PBX1: variants seen among roughly 807,000 people sequenced by gnomAD.
The protein encoded by PBX1 is pre-B-cell leukemia transcription factor 1.
PBX1 carries 6 observed loss-of-function variants against 53.4 expected under a neutral mutation model. That is an observed-to-expected ratio of 0.11 (90% CI 0.06 to 0.22). The LOEUF (loss-of-function observed/expected upper bound fraction) is 0.22, where lower values mean the gene tolerates loss of function less well. PBX1 is among the 10% of genes least tolerant of loss of function. The pLI is 1.00. For synonymous variants in PBX1, 204 were observed against 212.3 expected (o/e 0.96, Z 0.34); for missense variants, 251 against 551.4 (o/e 0.46, Z 5.46).
chr1:164,598,891 T>C (rs1390993399), intron 2 of PBX1, among the ~76,000 whole-genome samples: 1 of 152,116 alleles, frequency 6.6e-6, no homozygotes, highest in Non-Finnish European at 1.5e-5. Context: ...TATCCCACTT[T>C]TACATAAAAG....
chr1:164,647,939 C>T (rs1347858717), intron 2 of PBX1, among the ~76,000 whole-genome samples: 18 of 152,006 alleles, frequency 1.2e-4, no homozygotes, highest in African/African-American at 3.6e-4. Context: ...CTCAGCCTCC[C>T]GAGTAGCTGG....
chr1:164,750,117 AAAAG>A (rs1232479056), intron 2 of PBX1, among the ~76,000 whole-genome samples: 1 of 150,422 alleles, frequency 6.6e-6, no homozygotes, highest in African/African-American at 2.5e-5. Flanking sequence ...AAGAAAAAAA[AAAAG>A]AGCTTTCAAA....
At chr1:164,881,875 C>T (rs1036522799) in intron 2 of PBX1, among the ~76,000 whole-genome samples, 4 of 152,156 alleles carry the variant, frequency 2.6e-5, no homozygotes, top group African/African-American at 9.7e-5. Context: ...CTTAGAAGCT[C>T]ATTCACTTTA....
intron 2 of PBX1, among the ~76,000 whole-genome samples, chr1:164,757,717 T>A (rs976843461): frequency 6.6e-6 from 1 of 152,178 alleles, no homozygotes. Context: ...TATTATTATT[T>A]TTTAATCTCT....
chr1:164,809,277 C>T (rs751849194), intron 5 of PBX1, among the ~76,000 whole-genome samples: 12 of 152,048 alleles, frequency 7.9e-5, no homozygotes, highest in Admixed American at 3.3e-4. Flanking sequence ...GATCTGTTCC[C>T]GCAACCTTCA....
chr1:164,826,540 G>A (rs905900365), intron 8 of PBX1, among the ~76,000 whole-genome samples: 1 of 152,082 alleles, frequency 6.6e-6, no homozygotes, highest in Admixed American at 6.6e-5. Context: ...AAGTAGCCGG[G>A]ATTACAGGTT....
At chr1:164,842,138 G>C (rs1018968083) in intron 8 of PBX1, among the ~76,000 whole-genome samples, 1 of 152,148 alleles carries the variant, frequency 6.6e-6, no homozygotes, top group Non-Finnish European at 1.5e-5. Flanking sequence ...GCTGCTCAGG[G>C]CTAAAAGCAG....
intron 2 of PBX1, among the ~76,000 whole-genome samples, chr1:164,696,910 A>G (rs1299264970): frequency 6.6e-6 from 1 of 152,150 alleles, no homozygotes; most frequent in Non-Finnish European, 1.5e-5. Context: ...GAATAAAATT[A>G]TAGTGGAAAA....
At chr1:164,643,448 C>T (rs1659266495) in intron 2 of PBX1, among the ~76,000 whole-genome samples, 2 of 152,094 alleles carry the variant, frequency 1.3e-5, no homozygotes, top group Non-Finnish European at 2.9e-5. Flanking sequence ...TTCTCTTTGG[C>T]TCACTTTCTA....
chr1:164,762,344 A>G (rs2102224701), intron 2 of PBX1, among the ~76,000 whole-genome samples: 1 of 152,310 alleles, frequency 6.6e-6, no homozygotes, highest in South Asian at 2.1e-4. Flanking sequence ...TTCTTTTCCG[A>G]TGCAATTTGC....
chr1:164,771,907 G>T (rs1449003414), intron 2 of PBX1, among the ~76,000 whole-genome samples: 4 of 152,300 alleles, frequency 2.6e-5, no homozygotes, highest in South Asian at 4.1e-4. Flanking sequence ...CAGGCCGGAA[G>T]GGGGGCTGGG....
chr1:164,789,112 C>G (rs1038167804), intron 2 of PBX1, among the ~76,000 whole-genome samples: 2 of 152,194 alleles, frequency 1.3e-5, no homozygotes, highest in Non-Finnish European at 2.9e-5. Flanking sequence ...CTTTGCAACC[C>G]TCCTGAAACT....
At chr1:164,616,669 C>A (rs935621335) in intron 2 of PBX1, among the ~76,000 whole-genome samples, 24 of 152,100 alleles carry the variant, frequency 1.6e-4, no homozygotes, top group African/African-American at 5.6e-4. Context: ...AAGAACACTT[C>A]ATGTGACAGA....
At chr1:164,583,288 A>G (rs1465205349) in intron 2 of PBX1, among the ~76,000 whole-genome samples, 2 of 152,110 alleles carry the variant, frequency 1.3e-5, no homozygotes, top group African/African-American at 2.4e-5. Flanking sequence ...GGCGGGAAAA[A>G]AAAAAAAAGA....
At chr1:164,663,062 C>T (rs1216443027) in intron 2 of PBX1, among the ~76,000 whole-genome samples, 1 of 152,180 alleles carries the variant, frequency 6.6e-6, no homozygotes, top group Non-Finnish European at 1.5e-5. Context: ...GTGTAACTTT[C>T]AAATAGTTTC....
intron 2 of PBX1, among the ~76,000 whole-genome samples, chr1:164,698,187 A>C (rs1662898397): frequency 6.6e-6 from 1 of 152,138 alleles, no homozygotes. Flanking sequence ...GAGATAGAAA[A>C]AAGAAATACC....
chr1:164,776,929 GTGT>G (rs1667681970), intron 2 of PBX1, among the ~76,000 whole-genome samples: 2 of 121,966 alleles, frequency 1.6e-5, no homozygotes, highest in African/African-American at 3.3e-5. Flanking sequence ...GTGTGTGTGT[GTGT>G]GTGGTGGGAG....
At chr1:164,676,385 A>G (rs1661434312) in intron 2 of PBX1, among the ~76,000 whole-genome samples, 2 of 152,140 alleles carry the variant, frequency 1.3e-5, no homozygotes. Context: ...GGGTGAACCA[A>G]GGTGTGAAAG....
chr1:164,742,077 AAGGTAACCTTTCTTAT>A (rs1318245741), intron 2 of PBX1, among the ~76,000 whole-genome samples: 1 of 152,306 alleles, frequency 6.6e-6, no homozygotes, highest in East Asian at 1.9e-4. Context: ...CTTGAAAAGA[AAGGTAACCTTTCTTAT>A]TCATAGTGCA....
Sources: allele counts gnomAD v4.1 joint callset (sites outside exome capture counted in the v4.1 genomes callset), GRCh38; gene constraint gnomAD v4.1.1; transcripts MANE v1.5; gene names NCBI Gene and HGNC (gene_info 2026-07-23, HGNC 2026-07-21).